Variants in AP3B1 observed in about 807,000 individuals in gnomAD.
AP3B1 encodes adaptor related protein complex 3 subunit beta 1, also known as AP-3 complex subunit beta-1.
A neutral mutation model predicts 132.5 loss-of-function variants in AP3B1; 61 were observed. The observed-to-expected ratio is 0.46, with a 90% CI of 0.37 to 0.57. The LOEUF is 0.57. AP3B1 is among the 20% of genes least tolerant of loss of function. The pLI is 0.00. For synonymous variants in AP3B1, 388 were observed against 438.3 expected, an observed-to-expected ratio of 0.89 and a Z score of 1.43; for missense variants, 1,120 against 1,289.4, an observed-to-expected ratio of 0.87 and a Z score of 2.01.
At chr5:78,163,652 TAC>T (rs927773026) in intron 12 of AP3B1, among the ~76,000 whole-genome samples, 8 of 144,832 alleles carry the variant, frequency 5.5e-5, no homozygotes, top group South Asian at 2.2e-4. Flanking sequence ...TATATATATA[TAC>T]ACACACACAC....
chr5:78,147,845 T>TCAA, intron 14 of AP3B1, among the ~76,000 whole-genome samples: 1 of 152,068 alleles, frequency 6.6e-6, no homozygotes. Flanking sequence ...ACCAGCGTGG[T>TCAA]CAACATGGGG....
At chr5:78,082,666 ACT>A (rs1008131993) in intron 22 of AP3B1, among the ~76,000 whole-genome samples, 4 of 152,166 alleles carry the variant, frequency 2.6e-5, no homozygotes, top group Admixed American at 2.6e-4. Flanking sequence ...CACAAATGTC[ACT>A]CTGTCTTTCT....
chr5:78,113,500 C>T (rs1751682662), intron 19 of AP3B1, among the ~76,000 whole-genome samples: 2 of 152,258 alleles, frequency 1.3e-5, no homozygotes, highest in South Asian at 4.1e-4. Flanking sequence ...GATCACTTAA[C>T]TCAGCCTTCC....
chr5:78,155,625 G>A (rs1743116528), intron 14 of AP3B1, among the ~76,000 whole-genome samples: 1 of 152,012 alleles, frequency 6.6e-6, no homozygotes, highest in South Asian at 2.1e-4. Context: ...AGTGAAAGAT[G>A]CCAGAAACAA....
intron 22 of AP3B1, among the ~76,000 whole-genome samples, chr5:78,062,729 T>C (rs1315186724): frequency 6.6e-6 from 1 of 152,204 alleles, no homozygotes; most frequent in Non-Finnish European, 1.5e-5. Flanking sequence ...TTATTACCTG[T>C]TAAAAACCAA....
rs183899495 is a variant in AP3B1, at chr5:78,007,854, C to T, written c.3132-4799G>A. On this transcript the variant is annotated intron_variant, in intron 26 of 26. Transcript: ENST00000255194. ...GTGAAGGACAAAAAAAGCATTTACA[C>T]GTGATTTAGTTTTAGAGAATTTACA... is the stretch of plus-strand genomic sequence containing the variant. Among the ~76,000 whole-genome samples the T allele has an allele frequency of 1.8e-4, 27 of 152,208 alleles. No individual in the cohort carries two copies. The East Asian group carries it at 4.2e-3, about 24-fold the overall frequency.
intron 22 of AP3B1, among the ~76,000 whole-genome samples, chr5:78,069,278 A>C (rs1749430078): frequency 6.6e-6 from 1 of 152,212 alleles, no homozygotes; most frequent in Non-Finnish European, 1.5e-5. Context: ...AGAAAGAAAT[A>C]GAGTATTCAA....
intron 22 of AP3B1, among the ~76,000 whole-genome samples, chr5:78,069,679 A>C (rs1749451885): frequency 6.6e-6 from 1 of 152,230 alleles, no homozygotes; most frequent in Admixed American, 6.5e-5. Context: ...ATACTGCCTA[A>C]AGTAATTCAT....
chr5:78,260,875 G>A (rs1157979969), intron 2 of AP3B1, among the ~76,000 whole-genome samples: 4 of 152,140 alleles, frequency 2.6e-5, no homozygotes, highest in East Asian at 3.8e-4. Flanking sequence ...TTGTGTGTGT[G>A]TGTCTGGCTT....
At chr5:78,051,866 A>G (rs568931681) in intron 22 of AP3B1, among the ~76,000 whole-genome samples, 177 of 152,288 alleles carry the variant, frequency 1.2e-3, no homozygotes, top group African/African-American at 4.1e-3. Flanking sequence ...GTACTTTTAA[A>G]ACCAATGTAT....
intron 26 of AP3B1, among the ~76,000 whole-genome samples, chr5:78,010,896 C>T (rs983037815): frequency 6.6e-6 from 1 of 152,092 alleles, no homozygotes; most frequent in East Asian, 1.9e-4. Flanking sequence ...ATATCTTACA[C>T]AGGAAGTGAA....
At chr5:78,256,734 C>T (rs937214099) in intron 2 of AP3B1, among the ~76,000 whole-genome samples, 5 of 152,004 alleles carry the variant, frequency 3.3e-5, no homozygotes, top group African/African-American at 9.7e-5. Context: ...AATGACACCC[C>T]AATATCTCTA....
intron 25 of AP3B1, among the ~76,000 whole-genome samples, chr5:78,017,123 T>C (rs1746892909): frequency 6.6e-6 from 1 of 152,032 alleles, no homozygotes; most frequent in Non-Finnish European, 1.5e-5. Context: ...ACCTTAACAC[T>C]CTTGTCATTA....
At chr5:78,107,597 C>T (rs1751389144) in intron 20 of AP3B1, among the ~76,000 whole-genome samples, 1 of 152,082 alleles carries the variant, frequency 6.6e-6, no homozygotes, top group South Asian at 2.1e-4. Context: ...GGATGCGAGT[C>T]TTACACAGAG....
intron 23 of AP3B1, among the ~76,000 whole-genome samples, chr5:78,034,827 C>T (rs957858651): frequency 6.6e-6 from 1 of 151,714 alleles, no homozygotes; most frequent in Non-Finnish European, 1.5e-5. Flanking sequence ...AGGTTATGTA[C>T]TTAAAACTAT....
In AP3B1 at chr5:78,194,390, ATGT is replaced by A. The variant is rs368949446; in HGVS notation, c.787-12731_787-12729del. 1.1e-3 allele frequency among the ~76,000 whole-genome samples: 164 copies of A among 152,322 alleles called. 1 individual carries two copies. Among genetic ancestry groups the A allele is most frequent in the African/African-American group, 3.9e-3 (162 of 41,568 alleles). ...GGTTTAAAAAAATCAATTATTATAC[ATGT>A]TGTTTCTATTGAGCCTACAGAAATG... On this transcript the variant is annotated intron_variant, in intron 7 of 26. Transcript: ENST00000255194.
Position 78,175,791 on chromosome 5 carries a change from T to C in AP3B1, c.1088A>G (p.Gln363Arg), listed in dbSNP as rs1222640594. 3.7e-6 allele frequency: 6 copies of C among 1,612,518 alleles called. No individual in the cohort carries two copies. Among genetic ancestry groups the C allele is most frequent in the Non-Finnish European group, 5.1e-6 (6 of 1,179,106 alleles). ...VLQNIATMSI[Q>R]RKGMFEPYLK... Reference sequence around the variant, plus strand: ...TGTTCAGAACATACATACCTTTCTTTGAATTGACATAGTTGCTATATTTTG... The same window carrying C: ...TGTTCAGAACATACATACCTTTCTTCGAATTGACATAGTTGCTATATTTTG... Residue 363 changes from glutamine (Q) to arginine (R), a missense_variant, in exon 10 of 27, where the codon CAA becomes CGA. By Grantham distance (43) the Gln-to-Arg change is conservative. This residue lies in a region of AP3B1 where 906 missense variants were observed against 997.1 expected (regional missense o/e 0.91). Coordinates refer to ENST00000255194, the MANE Select transcript of AP3B1 (RefSeq NM_003664.5).
At chr5:78,199,769 G>GA (rs141472587) in intron 7 of AP3B1, among the ~76,000 whole-genome samples, 1,752 of 151,836 alleles carry the variant, frequency 0.012, 19 homozygotes, top group Middle Eastern at 0.024. Flanking sequence ...CATAAAACAG[G>GA]AAAAAAACTT....
chr5:78,097,883 T>C (rs1195153342), intron 21 of AP3B1, among the ~76,000 whole-genome samples: 5 of 152,228 alleles, frequency 3.3e-5, no homozygotes, highest in African/African-American at 1.2e-4. Context: ...GGTTGCGGTG[T>C]CTGTGTAGAA....
Sources: gnomAD v4.1 joint callset for allele counts (sites outside exome capture counted in the v4.1 genomes callset) on GRCh38, gnomAD v4.1.1 for gene constraint, gnomAD v4.1.1 regional missense constraint, MANE v1.5 for transcripts, NCBI Gene and HGNC (gene_info 2026-07-23, HGNC 2026-07-21) for gene names.